The following PPFIA3 variants were observed in gnomAD, a reference collection of about 807,000 sequenced individuals.
The protein encoded by PPFIA3 is liprin-alpha-3.
A neutral mutation model predicts 145.8 loss-of-function variants in PPFIA3; 26 were observed. The ratio of observed to expected loss-of-function variants is 0.18; its 90% CI spans 0.13 to 0.25. The LOEUF is 0.25. PPFIA3 is among the 10% of genes least tolerant of loss of function. The pLI, the probability that PPFIA3 is intolerant of heterozygous loss-of-function variation, is 1.00. For synonymous variants in PPFIA3, 645 were observed against 661.4 expected (o/e 0.98, Z 0.38); for missense variants, 1,008 against 1,587.8 (o/e 0.63, Z 6.21).
intron 5 of PPFIA3, 128 bp downstream of exon 5, chr19:49,129,582 T>G (rs1344441266): frequency 9.8e-7 from 1 of 1,020,194 alleles, no homozygotes; most frequent in East Asian, 2.6e-5. Flanking sequence ...AGACAAGCTA[T>G]GGGGTTGGAC....
At chr19:49,142,212 T>A in intron 20 of PPFIA3, 97 bp downstream of exon 20, 1 of 1,208,356 alleles carries the variant, frequency 8.3e-7, no homozygotes, top group Non-Finnish European at 1.2e-6. Flanking sequence ...ACCCTGCTTC[T>A]AGCCCAGAGG....
In PPFIA3 at chr19:49,141,408, C is replaced by T. The variant is rs761272017; in HGVS notation, c.2369-12C>T. Reference sequence around the variant, plus strand: ...TGAGATTTTCCAAATTTCGACCCCTCCCTGCCTCCAGCTGGAACACCCTCA... The same window carrying T: ...TGAGATTTTCCAAATTTCGACCCCTTCCTGCCTCCAGCTGGAACACCCTCA... On this transcript the variant is annotated splice_polypyrimidine_tract_variant and intron_variant, in intron 18 of 29. Transcript: ENST00000334186. The T allele has an allele frequency of 1.9e-6, 3 of 1,611,830 alleles. No individual in the cohort carries two copies. The highest frequency in any genetic ancestry group is 1.3e-5 in the African/African-American group (1 of 74,856).
chr19:49,142,200 G>C, intron 20 of PPFIA3, 85 bp downstream of exon 20: 1 of 1,288,434 alleles, frequency 7.8e-7, no homozygotes, highest in Non-Finnish European at 1.1e-6. Flanking sequence ...TCCTCCTGGC[G>C]CACCCTGCTT....
At chr19:49,129,327 G>T in intron 4 of PPFIA3, 53 bp from the exon 5 acceptor site, 1 of 1,536,440 alleles carries the variant, frequency 6.5e-7, no homozygotes, top group East Asian at 2.5e-5. Context: ...AGGGGCAACT[G>T]TCCTAAACTG....
chr19:49,136,550 G>C (rs1017984785), intron 14 of PPFIA3, among the ~76,000 whole-genome samples, 174 bp from the exon 15 acceptor site: 2 of 152,170 alleles, frequency 1.3e-5, no homozygotes, highest in African/African-American at 4.8e-5. Context: ...CTGCACTCCA[G>C]CCTGGGCGAC....
In PPFIA3 at chr19:49,150,149, C is replaced by T. The variant is rs1290586487; in HGVS notation, c.*11C>T. Reference sequence around the variant, plus strand: ...ACCTATTCCTGCTAGTGCAGGCCTCCAGGTGAGGACCGTGCTGGGCGACCT... The same window carrying T: ...ACCTATTCCTGCTAGTGCAGGCCTCTAGGTGAGGACCGTGCTGGGCGACCT... On this transcript the variant is annotated splice_region_variant and 3_prime_UTR_variant, in exon 29 of 30. Transcript: ENST00000334186. 6.2e-7 allele frequency: 1 copy of T among 1,606,836 alleles called. No homozygotes were observed. Among genetic ancestry groups the T allele is most frequent in the Non-Finnish European group, 8.5e-7 (1 of 1,177,194 alleles).
chr19:49,127,913 C>G lies in PPFIA3; in HGVS notation c.40C>G (p.Arg14Gly). 6.3e-7 allele frequency: 1 copy of G among 1,592,366 alleles called. No homozygotes were observed. Among genetic ancestry groups the G allele is most frequent in the Non-Finnish European group, 8.5e-7 (1 of 1,177,262 alleles). ...GATGCCCACCATCAGCGAGGATGGC[C>G]GGCGGGGCTCGGCGCTGGGCCCGGA... ...EVMPTISEDGRRGSALGPDEA... is the reference protein window; with the variant it reads ...EVMPTISEDGGRGSALGPDEA... Residue 14 changes from arginine (R) to glycine (G), a missense_variant, in exon 2 of 30, where the codon CGG becomes GGG. Transcript: ENST00000334186.
At chr19:49,134,615 C>T (rs775170493) in intron 11 of PPFIA3, 24 bp from the exon 12 acceptor site, 5 of 1,611,894 alleles carry the variant, frequency 3.1e-6, no homozygotes, top group Non-Finnish European at 4.2e-6. Flanking sequence ...GCCTCACTCC[C>T]TCACTTCACC....
intron 19 of PPFIA3, 108 bp downstream of exon 19, chr19:49,141,621 GGTGTGTGAGT>G: frequency 1.3e-6 from 1 of 741,376 alleles, no homozygotes; most frequent in Non-Finnish European, 2.1e-6. Flanking sequence ...TGTGTGAGAG[GGTGTGTGAGT>G]GTGTGTGTGC....
chr19:49,128,955 A>G lies in PPFIA3; in HGVS notation c.450A>G (p.Val150=), dbSNP rs765926355. 3.1e-6 allele frequency: 5 copies of G among 1,613,956 alleles called. No homozygotes were observed. Among genetic ancestry groups the G allele is most frequent in the South Asian group, 1.1e-5 (1 of 91,070 alleles). ...CCCCGGGTGGGGTCTCCTCGGAGGT[A>G]GAAGTGCTCAAAGCTCTAAAGTCTC... The part of the protein sequence containing the change: ...AQSPGGVSSE[V]EVLKALKSLF... The change falls in exon 4 of 30, where the codon GTA becomes GTG. Residue 150 remains valine (V), a synonymous_variant. Transcript: ENST00000334186. This position sits in a 1 kb window ranked among gnomAD's most constrained non-coding sequence, Gnocchi z 4.1.
chr19:49,123,677 A>G (rs752794871), intron 1 of PPFIA3, among the ~76,000 whole-genome samples: 5 of 151,764 alleles, frequency 3.3e-5, no homozygotes, highest in Admixed American at 6.6e-5. Flanking sequence ...CCTGACCTCA[A>G]ATGATCCCCC....
At position 49,133,437 on chromosome 19, in the gene PPFIA3, G is replaced by C; in HGVS notation, c.1161+66G>C. ...GGTGGGGCCTAGAGGAGGCGGGGCC[G>C]TGAATCTGGAGGGGTAGGAGCGAGG... On this transcript the variant is annotated intron_variant, in intron 9 of 29. Coordinates refer to ENST00000334186, the MANE Select transcript of PPFIA3 (RefSeq NM_003660.4). The surrounding 1 kb of genome is among the most constrained non-coding windows in gnomAD (Gnocchi z 7.2). 1 of 1,487,246 alleles carries C rather than the reference G, an allele frequency of 6.7e-7. No homozygotes were observed. The highest frequency in any genetic ancestry group is 8.9e-7 in the Non-Finnish European group (1 of 1,120,684). The allele number at this position is 1,487,246 out of a possible 1,614,324, so 92.1% of individuals were successfully genotyped here. A position where few individuals can be genotyped will look rare whatever the true frequency, so the allele number is the denominator to read the frequency against.
intron 25 of PPFIA3, 69 bp downstream of exon 25, chr19:49,148,832 G>C: frequency 4.5e-6 from 7 of 1,544,416 alleles, no homozygotes; most frequent in Non-Finnish European, 6.2e-6. Context: ...GAGGAGAGGG[G>C]GTAGGGGGAG....
chr19:49,144,589 C>T (rs1399630794), intron 21 of PPFIA3, among the ~76,000 whole-genome samples: 2 of 152,006 alleles, frequency 1.3e-5, no homozygotes, highest in South Asian at 2.1e-4. Context: ...TGGCGTATAC[C>T]TGTAGTCCTA....
chr19:49,136,272 G>A (rs2041136244), intron 14 of PPFIA3, among the ~76,000 whole-genome samples: 1 of 152,070 alleles, frequency 6.6e-6, no homozygotes, highest in Non-Finnish European at 1.5e-5. Flanking sequence ...AGAGGATTTG[G>A]GGAGGGATCA....
intron 16 of PPFIA3, 95 bp from the exon 17 acceptor site, chr19:49,139,573 C>A: frequency 1.5e-6 from 2 of 1,324,462 alleles, no homozygotes; most frequent in South Asian, 3.4e-5. Context: ...AAACCAGGGT[C>A]ACCCCACACA....
At chr19:49,147,013 C>G (rs936730840) in intron 23 of PPFIA3, among the ~76,000 whole-genome samples, 1 of 152,274 alleles carries the variant, frequency 6.6e-6, no homozygotes, top group East Asian at 1.9e-4. Context: ...TGACTGTGGT[C>G]ATAGATCACA....
chr19:49,135,666 G>A (rs961098217), intron 13 of PPFIA3, 113 bp from the exon 14 acceptor site: 2 of 1,181,058 alleles, frequency 1.7e-6, no homozygotes, highest in Non-Finnish European at 2.3e-6. Context: ...CACCAGGCCT[G>A]GCCCCTTGAC....
At chr19:49,142,774 CCCCTCTGT>C (rs370440589) in intron 20 of PPFIA3, 22 bp from the exon 21 acceptor site, 71 of 1,582,818 alleles carry the variant, frequency 4.5e-5, no homozygotes, top group East Asian at 3.0e-4. Flanking sequence ...GTCCCTCTGT[CCCCTCTGT>C]CCCTCTGTCC....
Sources: gnomAD v4.1 joint callset for allele counts (sites outside exome capture counted in the v4.1 genomes callset) on GRCh38, gnomAD v4.1.1 for gene constraint, Gnocchi (gnomAD v3.1) non-coding constraint, MANE v1.5 for transcripts, NCBI Gene and HGNC (gene_info 2026-07-23, HGNC 2026-07-21) for gene names.